ACSL6: variants seen among roughly 807,000 people sequenced by gnomAD.
The protein encoded by ACSL6 is acyl-CoA synthetase long chain family member 6, also known as long-chain-fatty-acid--CoA ligase 6.
In ACSL6, 47 loss-of-function variants were observed where a neutral mutation model predicts 98.2. That is an observed-to-expected ratio of 0.48 (90% CI 0.38 to 0.61). The LOEUF is 0.61. Ranked by LOEUF, ACSL6 falls within the 20% of genes least tolerant of loss-of-function variation. ACSL6 has a pLI of 0.00. For synonymous variants in ACSL6, 362 were observed against 336.9 expected (o/e 1.07, Z -0.82); for missense variants, 761 against 913.4 (o/e 0.83, Z 2.15).
chr5:131,988,252 A>G (rs1477595922), intron 6 of ACSL6, 26 bp from the exon 7 acceptor site: 3 of 1,611,608 alleles, frequency 1.9e-6, no homozygotes, highest in Admixed American at 3.3e-5. Flanking sequence ...AAGGAGAGTC[A>G]GGCCATGTGG....
At chr5:131,969,453 G>GTT (rs143257142) in intron 15 of ACSL6, among the ~76,000 whole-genome samples, 21 of 146,536 alleles carry the variant, frequency 1.4e-4, no homozygotes, top group South Asian at 6.4e-4. Context: ...AGATTATTGT[G>GTT]TTTTTTTTTT....
intron 1 of ACSL6, among the ~76,000 whole-genome samples, chr5:132,007,351 C>T (rs1049370434): frequency 2.0e-5 from 3 of 152,256 alleles, no homozygotes; most frequent in African/African-American, 7.2e-5. Context: ...TGCCAATCTT[C>T]CCTCACACAG....
intron 11 of ACSL6, 96 bp from the exon 12 acceptor site, chr5:131,973,496 C>A (rs1044575150): frequency 7.9e-7 from 1 of 1,267,360 alleles, no homozygotes; most frequent in Admixed American, 2.3e-5. Context: ...ATGGAGGGCA[C>A]CCATGACCCC....
rs2149671305 is a variant in ACSL6 at position 131,952,833 on chromosome 5, T to C, written c.*1401A>G. On this transcript the variant is annotated 3_prime_UTR_variant, in exon 21 of 21. Transcript: ENST00000651883. ...AGGCAGTATTTCTTTGTCTATGGAC[T>C]TAAAAAGTTTTCTTGGGGCATTTTA... 1 of 218,280 alleles carries C rather than the reference T, an allele frequency of 4.6e-6. No homozygotes were observed. Among genetic ancestry groups the C allele is most frequent in the Non-Finnish European group, 9.2e-6 (1 of 108,798 alleles). 13.5% of individuals were successfully genotyped at this position (218,280 alleles called of 1,614,324 possible).
intron 9 of ACSL6, chr5:131,982,305 G>A (rs1292843295): frequency 4.7e-5 from 7 of 150,250 alleles, no homozygotes; most frequent in Middle Eastern, 3.4e-3. Flanking sequence ...CACTACGCCC[G>A]GCTAATTTTT....
chr5:131,985,287 G>A, intron 9 of ACSL6, 120 bp downstream of exon 9: 2 of 1,301,808 alleles, frequency 1.5e-6, no homozygotes, highest in Non-Finnish European at 2.2e-6. Flanking sequence ...TCTGGAGCCA[G>A]GAACAAGACA....
chr5:131,978,307 G>A (rs1580657499), intron 9 of ACSL6, among the ~76,000 whole-genome samples: 1 of 152,270 alleles, frequency 6.6e-6, no homozygotes, highest in East Asian at 1.9e-4. Flanking sequence ...ACCCAAGGAA[G>A]GACACCACCT....
chr5:131,991,036 T>A (rs1222413346), intron 2 of ACSL6, 69 bp from the exon 3 acceptor site: 1 of 1,335,040 alleles, frequency 7.5e-7, no homozygotes, highest in Non-Finnish European at 1.1e-6. Flanking sequence ...GGCCGCAGCA[T>A]GCACAAGGCT....
Position 131,968,015 on chromosome 5 carries a change from C to A in ACSL6, c.1521G>T (p.Ala507=). ...PGDWTSGHVG[A]PLPCNHIKLV... is the part of the protein sequence containing the mutation. ...GCTTGATATGATTGCAGGGAAGTGGCGCCCCTACGTGCCCTGGAACACCGG... is the reference window on the plus strand; with the variant it reads ...GCTTGATATGATTGCAGGGAAGTGGAGCCCCTACGTGCCCTGGAACACCGG... Residue 507 remains alanine, a synonymous_variant, in exon 16 of 21, where the codon GCG becomes GCT. Transcript: ENST00000651883. 1 of 1,613,716 alleles carries A rather than the reference C, an allele frequency of 6.2e-7. No individual in the cohort carries two copies. The highest frequency in any genetic ancestry group is 1.7e-5 in the Admixed American group (1 of 59,986).
chr5:131,988,522 G>A (rs771682675), intron 6 of ACSL6: 1 of 1,609,478 alleles, frequency 6.2e-7, no homozygotes, highest in East Asian at 2.2e-5. Flanking sequence ...CCCTGCATCT[G>A]TGCCAAGCTG....
chr5:131,976,935 G>A (rs938285818), intron 9 of ACSL6, among the ~76,000 whole-genome samples: 7 of 152,214 alleles, frequency 4.6e-5, no homozygotes, highest in African/African-American at 1.7e-4. Context: ...ACCAGCATGG[G>A]ACCAGGAGGC....
At chr5:131,971,413 C>A (rs1404411668) in intron 14 of ACSL6, 137 bp downstream of exon 14, 3 of 643,744 alleles carry the variant, frequency 4.7e-6, no homozygotes, top group Non-Finnish European at 7.0e-6. Context: ...TGAGTTTTTT[C>A]CTCCTCAGAG....
chr5:131,962,472 G>A, intron 18 of ACSL6, 63 bp downstream of exon 18: 10 of 1,534,970 alleles, frequency 6.5e-6, no homozygotes, highest in Non-Finnish European at 8.8e-6. Flanking sequence ...GGAGGTTAAT[G>A]TTTAATCTGG....
intron 9 of ACSL6, among the ~76,000 whole-genome samples, chr5:131,981,364 T>C (rs1344017855): frequency 1.4e-5 from 2 of 138,668 alleles, no homozygotes; most frequent in East Asian, 4.1e-4. Context: ...TCTCCTCAAG[T>C]ATAACACACA....
At chr5:131,954,408 T>C in intron 20 of ACSL6, 37 bp from the exon 21 acceptor site, 1 of 1,602,618 alleles carries the variant, frequency 6.2e-7, no homozygotes, top group Non-Finnish European at 8.5e-7. Flanking sequence ...TTAACAGGAA[T>C]AGAACACAGT....
intron 1 of ACSL6, chr5:131,999,743 C>G (rs1193911372): frequency 2.0e-5 from 3 of 152,374 alleles, no homozygotes; most frequent in Non-Finnish European, 4.4e-5. Context: ...AGCCCCACCT[C>G]CATCTGCATG....
chr5:131,975,237 T>C, intron 10 of ACSL6: 1 of 1,321,430 alleles, frequency 7.6e-7, no homozygotes, highest in Non-Finnish European at 9.7e-7. Flanking sequence ...GCAGCGTCAG[T>C]GGGTCTAGGT....
At chr5:132,001,955 C>A (rs1341550333) in intron 1 of ACSL6, 1 of 152,196 alleles carries the variant, frequency 6.6e-6, no homozygotes, top group Non-Finnish European at 1.5e-5. Flanking sequence ...CTTTCACACG[C>A]TCTGAGATAA....
intron 18 of ACSL6, chr5:131,961,071 CAGG>C (rs1561775586): frequency 2.6e-5 from 4 of 156,588 alleles, no homozygotes; most frequent in Admixed American, 1.9e-4. Flanking sequence ...GTTGCCTAGG[CAGG>C]AGTTCAGTGG....
Sources: allele counts gnomAD v4.1 joint callset (sites outside exome capture counted in the v4.1 genomes callset), GRCh38; gene constraint gnomAD v4.1.1; transcripts MANE v1.5; gene names NCBI Gene and HGNC (gene_info 2026-07-23, HGNC 2026-07-21).